The following STK3 variants were observed in gnomAD, a reference collection of about 807,000 sequenced individuals.
STK3 encodes the protein serine/threonine kinase 3.
STK3 carries 41 observed loss-of-function variants against 58.0 expected under a neutral mutation model. The observed-to-expected ratio is 0.71, with a 90% CI of 0.55 to 0.92. The LOEUF (loss-of-function observed/expected upper bound fraction) is 0.92, where lower values mean the gene tolerates loss of function less well. Among genes scored for constraint, STK3 ranks in the 40% least tolerant of loss-of-function variants. The probability of loss-of-function intolerance (pLI) is 0.00; values close to 1 mark genes in which losing one functional copy is unlikely to be tolerated. For synonymous variants in STK3, 170 were observed against 191.0 expected, an observed-to-expected ratio of 0.89 and a Z score of 0.91; for missense variants, 479 against 602.7, an observed-to-expected ratio of 0.79 and a Z score of 2.15.
chr8:98,354,047 G>A, the STK3 span, among the ~76,000 whole-genome samples: 2 of 152,168 alleles, frequency 1.3e-5, no homozygotes. Context: ...TTCCCTTTGT[G>A]TGGTGTCCTA....
chr8:98,646,757 T>C (rs568689991), intron 6 of STK3, among the ~76,000 whole-genome samples: 14 of 152,248 alleles, frequency 9.2e-5, no homozygotes, highest in African/African-American at 3.1e-4. Context: ...CAACATCCAA[T>C]GTGTCCAAAA....
At chr8:98,365,766 C>CA in the STK3 span, among the ~76,000 whole-genome samples, 1 of 151,408 alleles carries the variant, frequency 6.6e-6, no homozygotes, top group Non-Finnish European at 1.5e-5. Flanking sequence ...AAATTTGTTT[C>CA]AAAAAATGTA....
intron 2 of STK3, among the ~76,000 whole-genome samples, chr8:98,772,133 A>G (rs1221049147): frequency 6.6e-6 from 1 of 152,164 alleles, no homozygotes; most frequent in East Asian, 1.9e-4. Flanking sequence ...ATAATTTATA[A>G]TATCCTCTTC....
At chr8:98,728,561 T>A (rs998827969) in intron 4 of STK3, among the ~76,000 whole-genome samples, 24 of 152,162 alleles carry the variant, frequency 1.6e-4, no homozygotes, top group African/African-American at 5.5e-4. Flanking sequence ...GAACTGATAC[T>A]CTACTGTGAA....
intron 1 of STK3, among the ~76,000 whole-genome samples, chr8:98,887,549 A>G (rs1275846957): frequency 6.6e-6 from 1 of 152,222 alleles, no homozygotes; most frequent in Non-Finnish European, 1.5e-5. Flanking sequence ...AACATTCAGC[A>G]TATATGTTTG....
intron 3 of STK3, among the ~76,000 whole-genome samples, chr8:98,830,969 CAA>C (rs760622434): frequency 8.3e-5 from 5 of 59,908 alleles, no homozygotes; most frequent in African/African-American, 3.5e-4. Context: ...GACTCTGTCT[CAA>C]AAAAAAAAAA....
downstream of STK3, among the ~76,000 whole-genome samples, chr8:98,370,992 T>C (rs1040937002): frequency 1.3e-5 from 2 of 152,192 alleles, no homozygotes; most frequent in African/African-American, 4.8e-5. Flanking sequence ...ACACTATATT[T>C]TAGGAAAGAG....
chr8:98,537,425 T>A (rs1179306099), intron 9 of STK3, among the ~76,000 whole-genome samples: 1 of 152,168 alleles, frequency 6.6e-6, no homozygotes, highest in African/African-American at 2.4e-5. Flanking sequence ...AATGCGCAGC[T>A]GAGTCTCCAG....
intron 4 of STK3, among the ~76,000 whole-genome samples, chr8:98,722,250 G>C (rs899227918): frequency 6.6e-6 from 1 of 152,142 alleles, no homozygotes; most frequent in Non-Finnish European, 1.5e-5. Flanking sequence ...TAAGAAAAAT[G>C]ACAAAAAGCG....
In STK3 at chr8:98,541,879, C is replaced by T. The variant is rs954643319; in HGVS notation, c.1141+6090G>A. On this transcript the variant is annotated intron_variant, in intron 9 of 10. Transcript: ENST00000419617. Reference sequence around the variant, plus strand: ...CTCAGTAATCTATGCTGACTTATAACGATCCTGATCTTTCCTAAAGGACTC... The same window carrying T: ...CTCAGTAATCTATGCTGACTTATAATGATCCTGATCTTTCCTAAAGGACTC... Among the ~76,000 whole-genome samples the T allele has an allele frequency of 5.3e-5, 8 of 152,294 alleles. No individual in the cohort carries two copies. The South Asian group carries it at 8.3e-4, about 16-fold the overall frequency.
chr8:98,394,144 A>G (rs546388692), intron 3 of STK3, among the ~76,000 whole-genome samples: 113 of 152,294 alleles, frequency 7.4e-4, no homozygotes, highest in African/African-American at 2.7e-3. Flanking sequence ...GGAGGAGCCA[A>G]AGCAGGAAGA....
At chr8:98,676,085 G>T (rs1823188159) in intron 6 of STK3, among the ~76,000 whole-genome samples, 1 of 152,210 alleles carries the variant, frequency 6.6e-6, no homozygotes, top group African/African-American at 2.4e-5. Context: ...AATACATTGT[G>T]CTATATGAAA....
At chr8:98,579,531 A>G in intron 8 of STK3, 133 bp downstream of exon 8, 1 of 1,129,114 alleles carries the variant, frequency 8.9e-7, no homozygotes, top group Non-Finnish European at 1.2e-6. Context: ...CAAACCAAAT[A>G]TATTTTGAGA....
At chr8:98,730,585 G>A (rs1406021871) in intron 4 of STK3, among the ~76,000 whole-genome samples, 2 of 151,858 alleles carry the variant, frequency 1.3e-5, no homozygotes, top group Non-Finnish European at 2.9e-5. Flanking sequence ...GCATAGTGGT[G>A]CATGCCTGTA....
intron 7 of STK3, among the ~76,000 whole-genome samples, chr8:98,580,021 C>A (rs1235686283): frequency 6.6e-6 from 1 of 151,718 alleles, no homozygotes; most frequent in Non-Finnish European, 1.5e-5. Flanking sequence ...TGCAAAAATG[C>A]AACCCTGTTA....
chr8:98,700,251 T>C (rs888754709), intron 6 of STK3, among the ~76,000 whole-genome samples: 8 of 152,214 alleles, frequency 5.3e-5, no homozygotes, highest in Non-Finnish European at 1.0e-4. Flanking sequence ...CGACCCGATT[T>C]TCCAGGTGCC....
intron 10 of STK3, among the ~76,000 whole-genome samples, chr8:98,473,732 TC>T (rs919033826): frequency 3.3e-5 from 5 of 152,118 alleles, no homozygotes; most frequent in African/African-American, 1.2e-4. Context: ...CTCTCTTGGC[TC>T]CTACAACACC....
At position 98,428,086 on chromosome 8, in the gene STK3, T is replaced by C; in HGVS notation, n.483+6041A>G. On this transcript the variant is annotated intron_variant and non_coding_transcript_variant, in intron 3 of 3. Coordinates refer to the STK3 transcript ENST00000517832. This position sits in a 1 kb window ranked among gnomAD's most constrained non-coding sequence, Gnocchi z 6.7. ...AGGAGGCTGCGCTCGCACACGCTGC[T>C]GCGCTTCCCCGAGACGCGCCTGGGC... 1 of 1,613,814 alleles carries C rather than the reference T, an allele frequency of 6.2e-7. No individual in the cohort carries two copies. The highest frequency in any genetic ancestry group is 2.2e-5 in the East Asian group (1 of 44,860).
chr8:98,654,175 C>T (rs1040783983), intron 6 of STK3, among the ~76,000 whole-genome samples: 32 of 152,120 alleles, frequency 2.1e-4, no homozygotes, highest in Non-Finnish European at 7.4e-5. Context: ...AAGGCTGGTT[C>T]GATATACAGA....
Sources: allele counts gnomAD v4.1 joint callset (sites outside exome capture counted in the v4.1 genomes callset), GRCh38; gene constraint gnomAD v4.1.1; non-coding constraint Gnocchi (gnomAD v3.1); transcripts MANE v1.5; gene names NCBI Gene and HGNC (gene_info 2026-07-23, HGNC 2026-07-21).